Variants in ASPRV1 observed in about 807,000 individuals in gnomAD.
ASPRV1 encodes retroviral-like aspartic protease 1.
ASPRV1 carries 7 observed loss-of-function variants against 11.0 expected under a neutral mutation model. That is an observed-to-expected ratio of 0.64 (90% confidence interval 0.36 to 1.20). The LOEUF is 1.20. ASPRV1 is among the 50% of genes most tolerant of loss of function. ASPRV1 has a pLI of 0.02. For missense variants in ASPRV1, 299 were observed against 320.0 expected, an observed-to-expected ratio of 0.93 and a Z score of 0.50; for synonymous variants, 136 against 138.4, an observed-to-expected ratio of 0.98 and a Z score of 0.12.
chr2:70,016,908 T>C, the ASPRV1 span, among the ~76,000 whole-genome samples: 2 of 151,894 alleles, frequency 1.3e-5, no homozygotes, highest in Non-Finnish European at 2.9e-5. Context: ...GATTTATTCC[T>C]GGGATGCAAG....
At chr2:69,932,841 A>C in the ASPRV1 span, among the ~76,000 whole-genome samples, 2 of 152,224 alleles carry the variant, frequency 1.3e-5, no homozygotes, top group African/African-American at 2.4e-5. Context: ...CACTGTTCTG[A>C]ATCATGCAGT....
At chr2:69,940,318 T>C in the ASPRV1 span, 3 of 152,188 alleles carry the variant, frequency 2.0e-5, no homozygotes, top group South Asian at 2.1e-4. Flanking sequence ...GAAAAAGATA[T>C]GTCTGCACTT....
chr2:69,943,549 T>C, the ASPRV1 span, among the ~76,000 whole-genome samples: 2 of 152,314 alleles, frequency 1.3e-5, no homozygotes, highest in Admixed American at 6.5e-5. Context: ...AGGAAAGACC[T>C]TGTGGATTGC....
chr2:70,076,383 C>T, the ASPRV1 span, among the ~76,000 whole-genome samples: 1 of 152,142 alleles, frequency 6.6e-6, no homozygotes, highest in African/African-American at 2.4e-5. Flanking sequence ...TTTGTTTATC[C>T]ATCTTTTAAA....
the ASPRV1 span, among the ~76,000 whole-genome samples, chr2:70,082,480 G>A: frequency 2.0e-5 from 3 of 152,094 alleles, no homozygotes; most frequent in Non-Finnish European, 2.9e-5. Flanking sequence ...GGAGGCCGGG[G>A]CAGGCAGATC....
Position 69,961,492 on chromosome 2 carries a change from C to T in ASPRV1, c.-56G>A. 6.2e-7 allele frequency: 1 copy of T among 1,614,150 alleles called. No homozygotes were observed. Among genetic ancestry groups the T allele is most frequent in the African/African-American group, 1.3e-5 (1 of 75,048 alleles). On this transcript the variant is annotated 5_prime_UTR_variant, in exon 1 of 1. The change creates a new upstream start codon in the 5' untranslated region. Transcript: ENST00000320256. ...AACCCACGCCAAGAAGAGAAACCCACAGAGCAGTGTCGGCGCAATCACGCT... is the reference window on the plus strand; with the variant it reads ...AACCCACGCCAAGAAGAGAAACCCATAGAGCAGTGTCGGCGCAATCACGCT...
chr2:69,987,925 CAAAT>C, the ASPRV1 span, among the ~76,000 whole-genome samples: 46 of 152,302 alleles, frequency 3.0e-4, no homozygotes, highest in East Asian at 8.5e-3. Flanking sequence ...ATTCATCCAA[CAAAT>C]ACTTATCAAG....
At chr2:70,062,815 T>A in the ASPRV1 span, among the ~76,000 whole-genome samples, 1 of 152,122 alleles carries the variant, frequency 6.6e-6, no homozygotes, top group Non-Finnish European at 1.5e-5. Flanking sequence ...AAGAGAAGTC[T>A]GAATGAATTA....
At chr2:70,003,698 C>T in the ASPRV1 span, among the ~76,000 whole-genome samples, 1 of 152,150 alleles carries the variant, frequency 6.6e-6, no homozygotes, top group African/African-American at 2.4e-5. Context: ...CTGCCAGAGG[C>T]CTAAAACGAG....
At chr2:70,027,080 C>T in the ASPRV1 span, among the ~76,000 whole-genome samples, 1 of 151,750 alleles carries the variant, frequency 6.6e-6, no homozygotes, top group Non-Finnish European at 1.5e-5. Context: ...TGAGATCCCG[C>T]CTCTACAAAA....
chr2:70,008,131 C>T, the ASPRV1 span, among the ~76,000 whole-genome samples: 55 of 152,004 alleles, frequency 3.6e-4, no homozygotes, highest in African/African-American at 1.3e-3. Context: ...CCACCGTGCC[C>T]GGTCTATTTT....
At chr2:70,025,974 T>C in the ASPRV1 span, among the ~76,000 whole-genome samples, 1 of 152,184 alleles carries the variant, frequency 6.6e-6, no homozygotes, top group Non-Finnish European at 1.5e-5. Flanking sequence ...ACTAAAAACC[T>C]GTAAGGATGA....
At chr2:69,944,802 C>T in the ASPRV1 span, among the ~76,000 whole-genome samples, 6 of 119,532 alleles carry the variant, frequency 5.0e-5, no homozygotes, top group Admixed American at 2.2e-4. Flanking sequence ...TGAAGAAGGA[C>T]CCCCCCTCCT....
the ASPRV1 span, among the ~76,000 whole-genome samples, chr2:70,026,684 G>A: frequency 6.6e-6 from 1 of 151,838 alleles, no homozygotes; most frequent in Non-Finnish European, 1.5e-5. Context: ...ATAAAACAAT[G>A]ATGAAAGAAA....
chr2:69,984,879 CAG>C, the ASPRV1 span, among the ~76,000 whole-genome samples: 1 of 142,710 alleles, frequency 7.0e-6, no homozygotes, highest in Non-Finnish European at 1.5e-5. Flanking sequence ...TTTTTTGAGG[CAG>C]AGTCTCGCTC....
upstream of ASPRV1, chr2:69,961,728 C>T: frequency 1.3e-6 from 2 of 1,515,154 alleles, no homozygotes; most frequent in South Asian, 2.7e-5. Context: ...CTCACCCCGC[C>T]CTCCTGCCAG....
chr2:70,049,921 G>A, the ASPRV1 span: 1 of 152,290 alleles, frequency 6.6e-6, no homozygotes, highest in African/African-American at 2.4e-5. Flanking sequence ...GGGAAGAGGA[G>A]AACAGATTAA....
chr2:70,071,947 TTTTC>T, the ASPRV1 span, among the ~76,000 whole-genome samples: 3,947 of 151,040 alleles, frequency 0.026, 325 homozygotes, highest in Admixed American at 0.17. Context: ...CTACAAAAAT[TTTTC>T]TTTCTTTTTT....
At chr2:70,082,751 G>C in the ASPRV1 span, among the ~76,000 whole-genome samples, 2 of 151,922 alleles carry the variant, frequency 1.3e-5, no homozygotes, top group Non-Finnish European at 2.9e-5. Context: ...AAAATCAGCC[G>C]GCATGGTGGG....
Sources: gnomAD v4.1 joint callset for allele counts (sites outside exome capture counted in the v4.1 genomes callset) on GRCh38, gnomAD v4.1.1 for gene constraint, MANE v1.5 for transcripts, NCBI Gene and HGNC (gene_info 2026-07-23, HGNC 2026-07-21) for gene names.